LILRB1: variants seen among roughly 807,000 people sequenced by gnomAD.
The protein encoded by LILRB1 is leukocyte immunoglobulin like receptor B1, also known as leukocyte immunoglobulin-like receptor subfamily B member 1.
A neutral mutation model predicts 74.6 loss-of-function variants in LILRB1; 59 were observed. The observed-to-expected ratio is 0.79, with a 90% CI of 0.64 to 0.98. The LOEUF is 0.98. LILRB1 is among the 50% of genes least tolerant of loss of function. The probability of loss-of-function intolerance (pLI) is 0.00; values close to 1 mark genes in which losing one functional copy is unlikely to be tolerated. For synonymous variants in LILRB1, 328 were observed against 333.9 expected (o/e 0.98, Z 0.19); for missense variants, 804 against 822.6 (o/e 0.98, Z 0.28).
chr19:54,617,260 G>A (rs895941027), exon 1 of LILRB1: 2 of 152,230 alleles, frequency 1.3e-5, no homozygotes, highest in African/African-American at 4.8e-5. Context: ...TGACCCCCTT[G>A]TGGGCACTCC....
At chr19:54,617,832 T>G (rs957526828) in intron 1 of LILRB1, among the ~76,000 whole-genome samples, 1 of 152,028 alleles carries the variant, frequency 6.6e-6, no homozygotes, top group African/African-American at 2.4e-5. Context: ...TTGGGCGTGG[T>G]GGCTCACACT....
upstream of LILRB1, among the ~76,000 whole-genome samples, chr19:54,627,706 G>A (rs545981714): frequency 1.9e-4 from 29 of 151,994 alleles, no homozygotes; most frequent in African/African-American, 6.7e-4. Context: ...CCTCTCTCTT[G>A]TTGCTGATAA....
At chr19:54,619,301 T>C (rs1366910102) in intron 1 of LILRB1, among the ~76,000 whole-genome samples, 2 of 152,130 alleles carry the variant, frequency 1.3e-5, no homozygotes, top group African/African-American at 4.8e-5. Flanking sequence ...AAGCATGTTG[T>C]AAGTGGTCTC....
upstream of LILRB1, among the ~76,000 whole-genome samples, chr19:54,625,527 T>C (rs1367574391): frequency 6.6e-6 from 1 of 152,118 alleles, no homozygotes; most frequent in African/African-American, 2.4e-5. Context: ...GTGACCAGGA[T>C]TGTAAAGGGC....
At chr19:54,630,365 G>T (rs1177433231), upstream of LILRB1, 6 of 156,736 alleles carry the variant, frequency 3.8e-5, no homozygotes, top group Admixed American at 3.9e-4. Context: ...CCGGGGGGTG[G>T]GGTTGGACAC....
chr19:54,630,484 G>C lies in LILRB1; in HGVS notation c.-198G>C, dbSNP rs113132804. On this transcript the variant is annotated 5_prime_UTR_variant, in exon 1 of 15. Coordinates refer to ENST00000324602, the MANE Select transcript of LILRB1 (RefSeq NM_001081637.3). ...GTCAACTTTTCTTCCCTATTTCCCT[G>C]CATTTCTCTTCTGTGCTCACTGCCA... 6.6e-5 allele frequency: 28 copies of C among 422,980 alleles called. No homozygotes were observed. The highest frequency in any genetic ancestry group is 5.5e-4 in the African/African-American group (27 of 49,222). 26.2% of individuals were successfully genotyped at this position (422,980 alleles called of 1,614,324 possible).
In LILRB1 at chr19:54,633,524, C is replaced by G. The variant is rs977359215; in HGVS notation, c.1262-114C>G. 2.5e-6 allele frequency: 3 copies of G among 1,217,060 alleles called. No individual in the cohort carries two copies. The African/African-American group carries it at 4.6e-5, about 19-fold the overall frequency. 75.4% of individuals were successfully genotyped at this position (1,217,060 alleles called of 1,614,324 possible). ...TCGCCAGCATCATGGACAGGAGAGG[C>G]GGGTGGAGGGAGGGGCCTGGGGAGG... On this transcript the variant is annotated intron_variant, in intron 7 of 14. Transcript: ENST00000324602.
rs1189655945 is a variant in LILRB1 at position 54,632,761 on chromosome 19, G to C, written c.958+1G>C. 1.9e-6 allele frequency: 3 copies of C among 1,611,914 alleles called. No homozygotes were observed. Among genetic ancestry groups the C allele is most frequent in the Non-Finnish European group, 2.5e-6 (3 of 1,179,890 alleles). The stretch of plus-strand genomic sequence containing the variant: ...GACCCCCTGGACATCCTGATCGCAG[G>C]TGAGGAGCCCAGCGGGTTCAGTCAG... On this transcript the variant is annotated splice_donor_variant, in intron 6 of 14. Transcript: ENST00000324602. LOFTEE classifies it high-confidence loss of function.
chr19:54,634,779 G>C lies in LILRB1; in HGVS notation c.1486+16G>C, dbSNP rs1418025306. On this transcript the variant is annotated intron_variant, in intron 10 of 14. Transcript: ENST00000324602. ...TGGACATCGAGTGAGTAGGGAATGG[G>C]GGGACCCTGAGGGCTGACCGAGGGT... 6.2e-7 allele frequency: 1 copy of C among 1,613,424 alleles called. No homozygotes were observed. Among genetic ancestry groups the C allele is most frequent in the Non-Finnish European group, 8.5e-7 (1 of 1,179,616 alleles).
chr19:54,625,599 G>A (rs2063558817), upstream of LILRB1, among the ~76,000 whole-genome samples: 1 of 152,134 alleles, frequency 6.6e-6, no homozygotes, highest in South Asian at 2.1e-4. Context: ...TTGTTAAGGA[G>A]CCTCTCACTC....
chr19:54,635,859 A>G (rs761240310), intron 13 of LILRB1: 31 of 678,084 alleles, frequency 4.6e-5, no homozygotes, highest in South Asian at 4.5e-4. Context: ...AGCTCTCCCC[A>G]GGCCTCAGGA....
rs765937694 is a variant in LILRB1, at chr19:54,636,795, C to T, written c.1876C>T (p.Arg626Trp). 2.3e-5 allele frequency: 37 copies of T among 1,612,986 alleles called. No individual in the cohort carries two copies. The highest frequency in any genetic ancestry group is 4.0e-5 in the African/African-American group (3 of 74,770). Residue 626 changes from arginine to tryptophan, a missense_variant, in exon 15 of 15, where the codon CGG (arginine) becomes TGG (tryptophan). Physicochemically the swap from Arg to Trp is moderately radical, Grantham distance 101 (BLOSUM62 -3). Coordinates refer to ENST00000324602, the MANE Select transcript of LILRB1 (RefSeq NM_001081637.3). ...CCAGCTGCACAGCTTGACCCTCAGACGGGAGGCAACTGAGCCTCCTCCATC... is the reference window on the plus strand; with the variant it reads ...CCAGCTGCACAGCTTGACCCTCAGATGGGAGGCAACTGAGCCTCCTCCATC... Reference protein sequence around the residue: ...YAQLHSLTLRREATEPPPSQE... With the variant: ...YAQLHSLTLRWEATEPPPSQE...
Position 54,633,211 on chromosome 19 carries a change from G to A in LILRB1, c.1154G>A (p.Gly385Asp). 6.2e-7 allele frequency: 1 copy of A among 1,614,214 alleles called. No homozygotes were observed. Among genetic ancestry groups the A allele is most frequent in the Non-Finnish European group, 8.5e-7 (1 of 1,180,044 alleles). Residue 385 changes from glycine (G) to aspartate (D), a missense_variant, in exon 7 of 15, where the codon GGT (glycine) becomes GAT (aspartate). By Grantham distance (94) the Gly-to-Asp change is moderately conservative (BLOSUM62 -1). Coordinates refer to ENST00000324602, the MANE Select transcript of LILRB1 (RefSeq NM_001081637.3). The stretch of plus-strand genomic sequence containing the variant: ...AAATACCAGGCTGAATTCCCCATGG[G>A]TCCTGTGACCTCAGCCCATGCGGGG... ...SQKYQAEFPMGPVTSAHAGTY... is the reference protein window; with the variant it reads ...SQKYQAEFPMDPVTSAHAGTY...
At position 54,634,392 on chromosome 19, in the gene LILRB1, A is replaced by G. The variant is rs989093744; in HGVS notation, c.1364-249A>G. The G allele has an allele frequency of 7.1e-6, 11 of 1,539,554 alleles. No individual in the cohort carries two copies. The Admixed American group carries it at 2.2e-4, about 30-fold the overall frequency. On this transcript the variant is annotated intron_variant, in intron 9 of 14. Coordinates refer to ENST00000324602, the MANE Select transcript of LILRB1 (RefSeq NM_001081637.3). ...CGGGGCTCGGCTCTGGTGCAGGAAC[A>G]AGGGCTGCAGGTCAGACTCCTGGGC...
Position 54,634,324 on chromosome 19 carries a change from A to C in LILRB1, c.1363+303A>C, listed in dbSNP as rs2885933. On this transcript the variant is annotated intron_variant, in intron 9 of 14. Coordinates refer to ENST00000324602, the MANE Select transcript of LILRB1 (RefSeq NM_001081637.3). ...GGTGACCTGGGGCAGGGGAGGGGAG[A>C]AGAGTCATGGTTCAGGACGGTCAGG... 3,536 of 1,526,996 alleles carry C rather than the reference A, an allele frequency of 2.3e-3. 63 individuals are homozygous for C. In the African/African-American group the frequency reaches 0.035, roughly 15 times the overall value. 94.6% of individuals were successfully genotyped at this position (1,526,996 alleles called of 1,614,324 possible).
chr19:54,636,411 G>T, intron 13 of LILRB1, 83 bp from the exon 14 acceptor site: 1 of 1,574,556 alleles, frequency 6.4e-7, no homozygotes, highest in Non-Finnish European at 8.6e-7. Flanking sequence ...GATGTAATCG[G>T]ATCACCCGGG....
upstream of LILRB1, among the ~76,000 whole-genome samples, chr19:54,625,662 T>A (rs1221996011): frequency 2.7e-5 from 4 of 148,944 alleles, no homozygotes; most frequent in South Asian, 8.6e-4. Context: ...CCCTTCCCCG[T>A]GTTAGGGACC....
chr19:54,634,745 G>A lies in LILRB1; in HGVS notation c.1468G>A (p.Gly490Ser). 1 of 1,613,916 alleles carries A rather than the reference G, an allele frequency of 6.2e-7. No individual in the cohort carries two copies. Among genetic ancestry groups the A allele is most frequent in the Non-Finnish European group, 8.5e-7 (1 of 1,179,930 alleles). Residue 490 changes from glycine to serine, a missense_variant, in exon 10 of 15, where the codon GGC becomes AGC. Physicochemically the swap from Gly to Ser is moderately conservative, Grantham distance 56 (BLOSUM62 0). Transcript: ENST00000324602. ...CCTCATCCTCCGACATCGACGTCAG[G>A]GCAAACACTGGACATCGAGTGAGTA... ...LFLILRHRRQ[G>S]KHWTSTQRKA... is the part of the protein sequence containing the mutation.
At position 54,636,927 on chromosome 19, in the gene LILRB1, G is replaced by A. The variant is rs8101469; in HGVS notation, c.*49G>A. ...CACTCCATGGAGTCTGGAATGCATG[G>A]GAGCTGCCCCCCCAGTGGACACCAT... On this transcript the variant is annotated 3_prime_UTR_variant, in exon 15 of 15. Transcript: ENST00000324602. 0.11 allele frequency: 171,121 copies of A among 1,609,482 alleles called. 9,891 individuals carry two copies. Among genetic ancestry groups the A allele is most frequent in the African/African-American group, 0.18 (13,468 of 74,848 alleles).
Sources: allele counts gnomAD v4.1 joint callset (sites outside exome capture counted in the v4.1 genomes callset), GRCh38; gene constraint gnomAD v4.1.1; transcripts MANE v1.5; gene names NCBI Gene and HGNC (gene_info 2026-07-23, HGNC 2026-07-21).